SDAD1: variants seen among roughly 807,000 people sequenced by gnomAD.
SDAD1 encodes the protein protein SDA1 homolog.
SDAD1 carries 79 observed loss-of-function variants against 100.3 expected under a neutral mutation model. That is an observed-to-expected ratio of 0.79 (90% CI 0.66 to 0.95). SDAD1 has a LOEUF of 0.95. SDAD1 is among the 40% of genes least tolerant of loss of function. The pLI is 0.00. For synonymous variants in SDAD1, 267 were observed against 271.4 expected (o/e 0.98, Z 0.16); for missense variants, 790 against 810.9 (o/e 0.97, Z 0.31).
chr4:75,975,867 A>C, intron 5 of SDAD1, 23 bp from the exon 6 acceptor site: 5 of 1,607,136 alleles, frequency 3.1e-6, no homozygotes, highest in Non-Finnish European at 2.6e-6. Context: ...AGGAGAAAGA[A>C]GACTTAATGC....
Position 75,950,491 on chromosome 4 carries a change from G to T in SDAD1, c.*259C>A, listed in dbSNP as rs565926457. On this transcript the variant is annotated 3_prime_UTR_variant, in exon 22 of 22. Coordinates refer to ENST00000356260, the MANE Select transcript of SDAD1 (RefSeq NM_018115.4). ...TTCGTTTTGCATCTACAGTGACAAT[G>T]AATAGGCACTCAATACATACTTTTT... The T allele has an allele frequency of 5.1e-6, 2 of 390,550 alleles. No individual in the cohort carries two copies. The highest frequency in any genetic ancestry group is 4.7e-5 in the South Asian group (1 of 21,130). 24.2% of individuals were successfully genotyped at this position (390,550 alleles called of 1,614,324 possible).
chr4:75,961,284 T>C lies in SDAD1; in HGVS notation c.1206A>G (p.Thr402=), dbSNP rs552023073. 77 of 1,613,892 alleles carry C rather than the reference T, an allele frequency of 4.8e-5. No homozygotes were observed. In the South Asian group the frequency reaches 8.1e-4, roughly 17 times the overall value. ...CAGTCATGGCCAGAGGACATCGAGC[T>C]GTTATCTCCTTTATAGCATTGATTC... The part of the protein sequence containing the change: ...TVGINAIKEI[T]ARCPLAMTEE... Residue 402 remains threonine (T), a synonymous_variant, in exon 15 of 22, where the codon ACA becomes ACG. Transcript: ENST00000356260.
At chr4:75,952,555 G>T (rs1277204909) in intron 21 of SDAD1, among the ~76,000 whole-genome samples, 2 of 152,094 alleles carry the variant, frequency 1.3e-5, no homozygotes, top group Non-Finnish European at 2.9e-5. Flanking sequence ...TTTACAGTAA[G>T]ACCTCATGTA....
rs1352767285 is a variant in SDAD1, at chr4:75,975,790, T to C, written c.532A>G (p.Lys178Glu). 6.8e-6 allele frequency: 11 copies of C among 1,613,932 alleles called. No homozygotes were observed. Among genetic ancestry groups the C allele is most frequent in the Non-Finnish European group, 9.3e-6 (11 of 1,179,948 alleles). The change falls in exon 6 of 22, where the codon AAG (lysine) becomes GAG (glutamate). Residue 178 changes from lysine (K) to glutamate (E), a missense_variant. By Grantham distance (56) the Lys-to-Glu change is moderately conservative. Coordinates refer to ENST00000356260, the MANE Select transcript of SDAD1 (RefSeq NM_018115.4). ...TCAATCATTACATCTAAAGACATCT[T>C]GGCTGCGGTTGCATTGCTATCTCTT... ...MLRDSNATAA[K>E]MSLDVMIELY...
chr4:75,972,840 T>G (rs1729944920), intron 8 of SDAD1, among the ~76,000 whole-genome samples: 1 of 151,648 alleles, frequency 6.6e-6, no homozygotes, highest in South Asian at 2.1e-4. Flanking sequence ...GCTAACACGG[T>G]GAAACCCCAT....
At chr4:75,981,517 A>T (rs368721840) in intron 2 of SDAD1, 47 bp from the exon 3 acceptor site, 1 of 1,610,582 alleles carries the variant, frequency 6.2e-7, no homozygotes, top group South Asian at 1.1e-5. Context: ...TTTCTCTCCT[A>T]TAATTCAGAT....
At chr4:75,956,376 G>C (rs1728892586) in intron 20 of SDAD1, among the ~76,000 whole-genome samples, 1 of 149,836 alleles carries the variant, frequency 6.7e-6, no homozygotes, top group South Asian at 2.1e-4. Context: ...GAACTTCCTA[G>C]AAAGGGAGAC....
chr4:75,983,181 C>G (rs566728942), intron 1 of SDAD1, among the ~76,000 whole-genome samples: 13 of 152,232 alleles, frequency 8.5e-5, no homozygotes, highest in African/African-American at 3.1e-4. Flanking sequence ...TTTTCTTTAT[C>G]TAGTCTATCA....
At chr4:75,983,576 C>A (rs897500041) in intron 1 of SDAD1, among the ~76,000 whole-genome samples, 1 of 151,898 alleles carries the variant, frequency 6.6e-6, no homozygotes, top group African/African-American at 2.4e-5. Flanking sequence ...GTTTGTTGGC[C>A]GCATAAATGT....
At chr4:75,966,815 G>A (rs1482199029) in intron 12 of SDAD1, among the ~76,000 whole-genome samples, 1 of 152,170 alleles carries the variant, frequency 6.6e-6, no homozygotes, top group Non-Finnish European at 1.5e-5. Flanking sequence ...TGTCACCCAG[G>A]CTGGAGTGCA....
At position 75,961,046 on chromosome 4, in the gene SDAD1, C is replaced by T; in HGVS notation, c.1338G>A (p.Met446Ile). ...TACCTACCCGGAATTTCTTCTGCAG[C>T]ATCTGAGGATTCAGTGTTCGGAAGA... ...IHLFRTLNPQ[M>I]LQKKFRGKPT... The change falls in exon 16 of 22, where the codon ATG (methionine) becomes ATA (isoleucine). Residue 446 changes from methionine (M) to isoleucine (I), a missense_variant. By Grantham distance (10) the Met-to-Ile change is conservative. Transcript: ENST00000356260. 6.2e-7 allele frequency: 1 copy of T among 1,613,888 alleles called. No homozygotes were observed. The highest frequency in any genetic ancestry group is 8.5e-7 in the Non-Finnish European group (1 of 1,179,958).
chr4:75,971,061 T>C (rs1328229327), intron 9 of SDAD1, among the ~76,000 whole-genome samples: 1 of 152,268 alleles, frequency 6.6e-6, no homozygotes, highest in Non-Finnish European at 1.5e-5. Flanking sequence ...ATATGAAATG[T>C]ACTGCATTTA....
intron 12 of SDAD1, 73 bp downstream of exon 12, chr4:75,967,204 T>A (rs1729596229): frequency 7.2e-7 from 1 of 1,398,166 alleles, no homozygotes; most frequent in African/African-American, 1.4e-5. Flanking sequence ...CTTTAGTGAT[T>A]CCAGAACAAA....
intron 4 of SDAD1, among the ~76,000 whole-genome samples, chr4:75,977,355 C>G (rs970324598): frequency 6.6e-6 from 1 of 152,156 alleles, no homozygotes; most frequent in African/African-American, 2.4e-5. Context: ...TACTCTATCT[C>G]TCTTTAACCT....
intron 8 of SDAD1, 63 bp from the exon 9 acceptor site, chr4:75,971,521 A>T: frequency 8.3e-6 from 10 of 1,198,348 alleles, no homozygotes; most frequent in Non-Finnish European, 1.2e-5. Flanking sequence ...TGAAAGAGTA[A>T]ACCTTTCAGC....
chr4:75,989,044 T>TCCTGCTTAAAACTCTTCAATCACTCC (rs1227558672), intron 1 of SDAD1, among the ~76,000 whole-genome samples: 1 of 152,138 alleles, frequency 6.6e-6, no homozygotes, highest in Non-Finnish European at 1.5e-5. Flanking sequence ...CATGTCACTC[T>TCCTGCTTAAAACTCTTCAATCACTCC]CCTGCTTAAA....
intron 11 of SDAD1, 61 bp downstream of exon 11, chr4:75,969,235 C>A (rs1199721227): frequency 1.4e-6 from 2 of 1,384,826 alleles, no homozygotes; most frequent in Admixed American, 1.8e-5. Flanking sequence ...AATGGCTTTT[C>A]TTTTACCATG....
At chr4:75,968,404 T>A (rs923958967) in intron 11 of SDAD1, among the ~76,000 whole-genome samples, 20 of 152,354 alleles carry the variant, frequency 1.3e-4, no homozygotes, top group Middle Eastern at 3.4e-3. Context: ...TTGGTTTTTT[T>A]AAATGGATGT....
chr4:75,986,703 A>AAAAACAAAAC (rs571159353), intron 1 of SDAD1, among the ~76,000 whole-genome samples: 16 of 152,130 alleles, frequency 1.1e-4, no homozygotes, highest in African/African-American at 3.9e-4. Flanking sequence ...CTGCCATCTT[A>AAAAACAAAAC]AAAACAAAAC....
Sources: gnomAD v4.1 joint callset for allele counts (sites outside exome capture counted in the v4.1 genomes callset) on GRCh38, gnomAD v4.1.1 for gene constraint, MANE v1.5 for transcripts, NCBI Gene and HGNC (gene_info 2026-07-23, HGNC 2026-07-21) for gene names.